The following OTOP1 variants were observed in gnomAD, a reference collection of about 807,000 sequenced individuals.
OTOP1 encodes the protein otopetrin 1.
Under a neutral mutation model 52.9 loss-of-function variants are expected in OTOP1, and 59 were observed. The ratio of observed to expected loss-of-function variants is 1.12; its 90% CI spans 0.91 to 1.39. OTOP1 has a LOEUF of 1.39. Ranked by LOEUF, OTOP1 falls within the 40% of genes most tolerant of loss-of-function variation. The pLI, the probability that OTOP1 is intolerant of heterozygous loss-of-function variation, is 0.00. For synonymous variants in OTOP1, 317 were observed against 337.7 expected, an observed-to-expected ratio of 0.94 and a Z score of 0.67; for missense variants, 761 against 800.9, an observed-to-expected ratio of 0.95 and a Z score of 0.60.
At chr4:4,208,995 T>C (rs1366889503) in intron 2 of OTOP1, among the ~76,000 whole-genome samples, 1 of 152,180 alleles carries the variant, frequency 6.6e-6, no homozygotes, top group Non-Finnish European at 1.5e-5. Context: ...AAGCCAGAGT[T>C]GTCATCAGTT....
chr4:4,197,573 A>C lies in OTOP1; in HGVS notation c.1261T>G (p.Tyr421Asp), dbSNP rs1347244831. Residue 421 changes from tyrosine to aspartate, a missense_variant, in exon 5 of 6, where the codon TAC becomes GAC. Tyr to Asp is a radical substitution (Grantham distance 160). Transcript: ENST00000296358. ...AILCAEGHPR[Y>D]TWYNLPYSIL... The stretch of plus-strand genomic sequence containing the variant: ...GAGTAGGGCAGGTTGTACCAGGTGT[A>C]GCGGGGGTGGCCCTCAGCACAGAGG... The C allele has an allele frequency of 6.2e-7, 1 of 1,613,834 alleles. No individual in the cohort carries two copies. Among genetic ancestry groups the C allele is most frequent in the Non-Finnish European group, 8.5e-7 (1 of 1,179,990 alleles).
intron 1 of OTOP1, among the ~76,000 whole-genome samples, chr4:4,225,710 TA>T (rs113772897): frequency 6.6e-6 from 1 of 152,032 alleles, no homozygotes; most frequent in Non-Finnish European, 1.5e-5. Context: ...ATTTCATTCA[TA>T]CCCCCTCATT....
In OTOP1 at chr4:4,215,488, C is replaced by A. The variant is rs1316356507; in HGVS notation, c.404-2484G>T. On this transcript the variant is annotated intron_variant, in intron 1 of 5. Transcript: ENST00000296358. ...AGCAGCCTGACCAATGTGGAGAAAC[C>A]CCATCTCTACTAAAAAATACAAAAT... Among the ~76,000 whole-genome samples, 6 of 151,926 alleles carry A rather than the reference C, an allele frequency of 3.9e-5. No homozygotes were observed. In the East Asian group the frequency reaches 1.2e-3, roughly 29 times the overall value.
At chr4:4,216,651 T>C (rs1223149085) in intron 1 of OTOP1, among the ~76,000 whole-genome samples, 2 of 152,192 alleles carry the variant, frequency 1.3e-5, no homozygotes, top group Non-Finnish European at 1.5e-5. Flanking sequence ...TCAGAAACTT[T>C]GTAAGAGTGG....
In OTOP1 at chr4:4,197,816, T is replaced by G. The variant is rs1716682045; in HGVS notation, c.1018A>C (p.Lys340Gln). The G allele has an allele frequency of 6.2e-7, 1 of 1,613,926 alleles. No homozygotes were observed. The highest frequency in any genetic ancestry group is 8.5e-7 in the Non-Finnish European group (1 of 1,180,028). ...VVYLIHIGRS[K>Q]TKSESALIMF... Reference sequence around the variant, plus strand: ...ATGAGTGCCGACTCGCTCTTGGTCTTGGAGCGCCCAATATGAATCAGGTAT... The same window carrying G: ...ATGAGTGCCGACTCGCTCTTGGTCTGGGAGCGCCCAATATGAATCAGGTAT... The change falls in exon 5 of 6, where the codon AAG becomes CAG. Residue 340 changes from lysine (K) to glutamine (Q), a missense_variant. Lys to Gln is a moderately conservative substitution (Grantham distance 53, BLOSUM62 1). This residue lies in a region of OTOP1 where 632 missense variants were observed against 619.5 expected (regional missense o/e 1.02). Coordinates refer to ENST00000296358, the MANE Select transcript of OTOP1 (RefSeq NM_177998.3).
At position 4,198,034 on chromosome 4, in the gene OTOP1, A is replaced by G; in HGVS notation, c.800T>C (p.Ile267Thr). Residue 267 changes from isoleucine (I) to threonine (T), a missense_variant, in exon 5 of 6, where the codon ATC becomes ACC. Coordinates refer to ENST00000296358, the MANE Select transcript of OTOP1 (RefSeq NM_177998.3). The stretch of plus-strand genomic sequence containing the variant: ...TATGTTGAAGGGGTAGAGGTAGTAG[A>G]TCCCGTGGGAGATGGCAGTGCACAG... ...PTLCTAISHG[I>T]YYLYPFNIEY... 6.2e-7 allele frequency: 1 copy of G among 1,614,126 alleles called. No homozygotes were observed. Among genetic ancestry groups the G allele is most frequent in the Non-Finnish European group, 8.5e-7 (1 of 1,180,010 alleles).
At position 4,210,788 on chromosome 4, in the gene OTOP1, G is replaced by A. The variant is rs547555665; in HGVS notation, c.540+2080C>T. On this transcript the variant is annotated intron_variant, in intron 2 of 5. Transcript: ENST00000296358. ...GGAAGTTGCAGTGAGCCAAGATTAC[G>A]CCATTGCACTGCAGCCTGGGCGACA... Among the ~76,000 whole-genome samples the A allele has an allele frequency of 1.6e-4, 24 of 152,202 alleles. No homozygotes were observed. The South Asian group carries it at 3.5e-3, about 22-fold the overall frequency.
intron 1 of OTOP1, among the ~76,000 whole-genome samples, chr4:4,219,424 G>C (rs1046819988): frequency 6.6e-6 from 1 of 152,096 alleles, no homozygotes; most frequent in Admixed American, 6.5e-5. Flanking sequence ...ACAGATTGCC[G>C]GGCGCGGTGG....
intron 5 of OTOP1, among the ~76,000 whole-genome samples, chr4:4,193,103 G>C (rs1010114340): frequency 6.6e-6 from 1 of 152,136 alleles, no homozygotes; most frequent in Non-Finnish European, 1.5e-5. Flanking sequence ...TCTCAGTGTA[G>C]ACCCTTCCAT....
rs1716661509 is a variant in OTOP1, at chr4:4,197,332, C to T, written c.1502G>A (p.Gly501Glu). Residue 501 changes from glycine to glutamate, a missense_variant, in exon 5 of 6, where the codon GGA (glycine) becomes GAA (glutamate). By Grantham distance (98) the Gly-to-Glu change is moderately conservative. Coordinates refer to ENST00000296358, the MANE Select transcript of OTOP1 (RefSeq NM_177998.3). ...QGKDMPPAANGNVCMRESHDK... is the reference protein window; with the variant it reads ...QGKDMPPAANENVCMRESHDK... Reference sequence around the variant, plus strand: ...ATGGCTTTCTCTCATGCACACATTTCCATTGGCTGCTGGTGGCATGTCCTT... The same window carrying T: ...ATGGCTTTCTCTCATGCACACATTTTCATTGGCTGCTGGTGGCATGTCCTT... The T allele has an allele frequency of 1.4e-5, 23 of 1,614,118 alleles. No individual in the cohort carries two copies. The highest frequency in any genetic ancestry group is 1.9e-5 in the Non-Finnish European group (22 of 1,180,028).
chr4:4,197,248 C>G lies in OTOP1; in HGVS notation c.1586G>C (p.Arg529Pro). 1.2e-6 allele frequency: 2 copies of G among 1,614,188 alleles called. No homozygotes were observed. Among genetic ancestry groups the G allele is most frequent in the Non-Finnish European group, 1.7e-6 (2 of 1,180,034 alleles). Residue 529 changes from arginine to proline, a missense_variant, in exon 5 of 6, where the codon CGC becomes CCC. Arg to Pro is a moderately radical substitution (Grantham distance 103). Coordinates refer to ENST00000296358, the MANE Select transcript of OTOP1 (RefSeq NM_177998.3). ...SSWGGSPSPVRLPRFLQGNAK... is the reference protein window; with the variant it reads ...SSWGGSPSPVPLPRFLQGNAK... Reference sequence around the variant, plus strand: ...GTTGCCCTGTAAGAAACGGGGAAGGCGGACTGGGCTTGGGCTCCCTCCCCA... The same window carrying G: ...GTTGCCCTGTAAGAAACGGGGAAGGGGGACTGGGCTTGGGCTCCCTCCCCA...
At chr4:4,215,609 G>A (rs925032127) in intron 1 of OTOP1, among the ~76,000 whole-genome samples, 16 of 152,054 alleles carry the variant, frequency 1.1e-4, no homozygotes, top group East Asian at 1.9e-4. Context: ...GCAGTGAGCC[G>A]AGATCGCATG....
chr4:4,202,416 C>A (rs762335414), intron 4 of OTOP1, 32 bp downstream of exon 4: 1 of 1,611,496 alleles, frequency 6.2e-7, no homozygotes, highest in Non-Finnish European at 8.5e-7. Context: ...TCCAACATGG[C>A]AGAAGGGCCA....
intron 1 of OTOP1, among the ~76,000 whole-genome samples, chr4:4,220,004 T>C (rs1223235486): frequency 3.8e-5 from 2 of 52,618 alleles, no homozygotes; most frequent in African/African-American, 1.4e-4. Context: ...TGTATATACA[T>C]ATATATGTAT....
At chr4:4,210,359 G>A (rs1453799735) in intron 2 of OTOP1, among the ~76,000 whole-genome samples, 1 of 152,194 alleles carries the variant, frequency 6.6e-6, no homozygotes, top group African/African-American at 2.4e-5. Context: ...AAGGACCACA[G>A]ACCATCAGCT....
chr4:4,221,192 G>C (rs1227112043), intron 1 of OTOP1, among the ~76,000 whole-genome samples: 2 of 151,714 alleles, frequency 1.3e-5, no homozygotes, highest in Non-Finnish European at 2.9e-5. Context: ...CAATTCTCCT[G>C]CCTCAGCCTC....
intron 5 of OTOP1, among the ~76,000 whole-genome samples, chr4:4,196,686 C>T (rs1295025883): frequency 6.6e-6 from 1 of 152,128 alleles, no homozygotes; most frequent in African/African-American, 2.4e-5. Flanking sequence ...TGTGATCATG[C>T]CACTGCACTC....
chr4:4,201,477 C>CACACAG (rs1482233411), intron 4 of OTOP1, among the ~76,000 whole-genome samples: 2 of 150,602 alleles, frequency 1.3e-5, no homozygotes, highest in Non-Finnish European at 3.0e-5. Flanking sequence ...TATATACACA[C>CACACAG]ACACACACAC....
At chr4:4,192,664 C>A (rs772536645) in intron 5 of OTOP1, among the ~76,000 whole-genome samples, 1 of 152,176 alleles carries the variant, frequency 6.6e-6, no homozygotes, top group Non-Finnish European at 1.5e-5. Flanking sequence ...CCATCTCCAA[C>A]ATAGTATCAC....
Sources: allele counts gnomAD v4.1 joint callset (sites outside exome capture counted in the v4.1 genomes callset), GRCh38; gene constraint gnomAD v4.1.1; regional missense constraint gnomAD v4.1.1; transcripts MANE v1.5; gene names NCBI Gene and HGNC (gene_info 2026-07-23, HGNC 2026-07-21).